Variants in TRIR observed in about 807,000 individuals in gnomAD.
TRIR encodes telomerase RNA component interacting RNase.
TRIR carries 5 observed loss-of-function variants against 18.2 expected under a neutral mutation model. The ratio of observed to expected loss-of-function variants is 0.27; its 90% CI spans 0.14 to 0.58. The LOEUF is 0.58. Ranked by LOEUF, TRIR falls within the 20% of genes least tolerant of loss-of-function variation. TRIR has a pLI of 0.91. For missense variants in TRIR, 206 were observed against 252.8 expected (o/e 0.81, Z 1.25); for synonymous variants, 134 against 114.4 (o/e 1.17, Z -1.10).
At position 12,734,201 on chromosome 19, in the gene TRIR, G is replaced by A. The variant is rs909972179; in HGVS notation, c.345+112C>T. The A allele has an allele frequency of 3.7e-6, 4 of 1,092,382 alleles. No homozygotes were observed. Among genetic ancestry groups the A allele is most frequent in the Middle Eastern group, 6.3e-4 (2 of 3,156 alleles). 67.7% of individuals were successfully genotyped at this position (1,092,382 alleles called of 1,614,324 possible). A position where few individuals can be genotyped will look rare whatever the true frequency, so the allele number is the denominator to read the frequency against. ...CACCCTCAGCGGGTGACCCGGACGG[G>A]CCCCTCATTCAGAACGGAAAGTGGA... On this transcript the variant is annotated intron_variant, in intron 1 of 2. Coordinates refer to ENST00000242784, the MANE Select transcript of TRIR (RefSeq NM_024038.4). This position sits in a 1 kb window ranked among gnomAD's most constrained non-coding sequence, Gnocchi z 4.1.
rs370637749 is a variant in TRIR, at chr19:12,731,287, G to A, written c.423+57C>T. On this transcript the variant is annotated intron_variant, in intron 2 of 2. Transcript: ENST00000242784. This position sits in a 1 kb window ranked among gnomAD's most constrained non-coding sequence, Gnocchi z 5.1. ...CAGACAGGGAGGGAGAAGGCTGGGCGCAAAAGCTGGAAGGGAAAGGCAATG... is the reference window on the plus strand; with the variant it reads ...CAGACAGGGAGGGAGAAGGCTGGGCACAAAAGCTGGAAGGGAAAGGCAATG... 236 of 1,585,760 alleles carry A rather than the reference G, an allele frequency of 1.5e-4. No individual in the cohort carries two copies. Among genetic ancestry groups the A allele is most frequent in the Non-Finnish European group, 1.9e-4 (217 of 1,156,688 alleles).
chr19:12,731,625 G>A lies in TRIR; in HGVS notation c.346-204C>T, dbSNP rs1188875049. 1.2e-5 allele frequency: 7 copies of A among 590,804 alleles called. No individual in the cohort carries two copies. The highest frequency in any genetic ancestry group is 2.1e-5 in the Non-Finnish European group (7 of 333,696). The allele number at this position is 590,804 out of a possible 1,614,324, so 36.6% of individuals were successfully genotyped here. On this transcript the variant is annotated intron_variant, in intron 1 of 2. Coordinates refer to ENST00000242784, the MANE Select transcript of TRIR (RefSeq NM_024038.4). This position sits in a 1 kb window ranked among gnomAD's most constrained non-coding sequence, Gnocchi z 5.1. ...CCCTGGGCCCGCGGTGCCCTCCCAG[G>A]GAGCAAGAAGAGTGTCCACCTCAGT...
In TRIR at chr19:12,734,198, CG is replaced by C. The variant is rs1967487433; in HGVS notation, c.345+114del. On this transcript the variant is annotated intron_variant, in intron 1 of 2. Coordinates refer to ENST00000242784, the MANE Select transcript of TRIR (RefSeq NM_024038.4). This position sits in a 1 kb window ranked among gnomAD's most constrained non-coding sequence, Gnocchi z 4.1. ...CCACACCCTCAGCGGGTGACCCGGA[CG>C]GGCCCCTCATTCAGAACGGAAAGTG... 1 of 1,072,632 alleles carries C rather than the reference CG, an allele frequency of 9.3e-7. No individual in the cohort carries two copies. Among genetic ancestry groups the C allele is most frequent in the Admixed American group, 3.9e-5 (1 of 25,492 alleles). 66.4% of individuals were successfully genotyped at this position (1,072,632 alleles called of 1,614,324 possible). A position where few individuals can be genotyped will look rare whatever the true frequency, so the allele number is the denominator to read the frequency against.
In TRIR at chr19:12,734,135, C is replaced by T. The variant is rs893399735; in HGVS notation, c.345+178G>A. ...CACGGGCAAGCTCCTGGAGTCCCCA[C>T]TCCCGCCCCTAGACCCCAGTTGTCG... On this transcript the variant is annotated intron_variant, in intron 1 of 2. Coordinates refer to ENST00000242784, the MANE Select transcript of TRIR (RefSeq NM_024038.4). The surrounding 1 kb of genome is among the most constrained non-coding windows in gnomAD (Gnocchi z 4.1). 2.0e-5 allele frequency among the ~76,000 whole-genome samples: 3 copies of T among 152,224 alleles called. No individual in the cohort carries two copies. The highest frequency in any genetic ancestry group is 7.2e-5 in the African/African-American group (3 of 41,470).
chr19:12,731,099 G>T lies in TRIR; in HGVS notation c.424-31C>A. ...GAAAGGGGATACGGGTTAGGACGGG[G>T]GTGCCAGGAACCAGGGTCAGGACTG... On this transcript the variant is annotated intron_variant, in intron 2 of 2. Transcript: ENST00000242784. The surrounding 1 kb of genome is among the most constrained non-coding windows in gnomAD (Gnocchi z 5.1). 1 of 1,579,982 alleles carries T rather than the reference G, an allele frequency of 6.3e-7. No individual in the cohort carries two copies. Among genetic ancestry groups the T allele is most frequent in the Non-Finnish European group, 8.7e-7 (1 of 1,149,532 alleles).
Position 12,734,611 on chromosome 19 carries a change from G to C in TRIR, c.47C>G (p.Pro16Arg), listed in dbSNP as rs762582564. The change falls in exon 1 of 3, where the codon CCG (proline) becomes CGG (arginine). Residue 16 changes from proline to arginine, a missense_variant. Coordinates refer to ENST00000242784, the MANE Select transcript of TRIR (RefSeq NM_024038.4). The surrounding 1 kb of genome is among the most constrained non-coding windows in gnomAD (Gnocchi z 4.1). ...RRAEPQGREA[P>R]GPAGGGGGGS... ...GCCACCGCCACCGCCCGCGGGGCCC[G>C]GAGCCTCCCGGCCCTGAGGCTCCGC... The C allele has an allele frequency of 6.6e-7, 1 of 1,517,502 alleles. No individual in the cohort carries two copies. The highest frequency in any genetic ancestry group is 1.2e-5 in the South Asian group (1 of 81,908). The allele number at this position is 1,517,502 out of a possible 1,614,324, so 94.0% of individuals were successfully genotyped here. A position where few individuals can be genotyped will look rare whatever the true frequency, so the allele number is the denominator to read the frequency against.
chr19:12,732,776 G>T (rs1027659706), intron 1 of TRIR, among the ~76,000 whole-genome samples: 1 of 152,204 alleles, frequency 6.6e-6, no homozygotes. Flanking sequence ...TTTTAGTAGA[G>T]TCAGGGTTTC....
In TRIR at chr19:12,730,901, C is replaced by T; in HGVS notation, c.*60G>A. ...GGGAAGGCTGTCGCCGCTGCCGCTG[C>T]ATTAAATAGTTATGTACATCGCAGA... On this transcript the variant is annotated 3_prime_UTR_variant, in exon 3 of 3. Transcript: ENST00000242784. 6.8e-7 allele frequency: 1 copy of T among 1,479,436 alleles called. No homozygotes were observed. Among genetic ancestry groups the T allele is most frequent in the Non-Finnish European group, 9.4e-7 (1 of 1,058,714 alleles). 91.6% of individuals were successfully genotyped at this position (1,479,436 alleles called of 1,614,324 possible).
intron 1 of TRIR, among the ~76,000 whole-genome samples, chr19:12,732,118 CTG>C (rs778341508): frequency 8.2e-4 from 91 of 111,572 alleles, no homozygotes; most frequent in Non-Finnish European, 8.1e-4. Context: ...GAAGTAGACT[CTG>C]TCTCAAAAAA....
At chr19:12,732,542 C>T (rs1967451884) in intron 1 of TRIR, among the ~76,000 whole-genome samples, 1 of 152,072 alleles carries the variant, frequency 6.6e-6, no homozygotes, top group African/African-American at 2.4e-5. Context: ...GGGGCTCCAA[C>T]AGTCTTCACA....
chr19:12,733,091 T>G (rs547561702), intron 1 of TRIR, among the ~76,000 whole-genome samples: 2 of 152,158 alleles, frequency 1.3e-5, no homozygotes, highest in Admixed American at 1.3e-4. Flanking sequence ...TTTTTTTTTG[T>G]AGAGATGCAT....
Position 12,731,487 on chromosome 19 carries a change from C to G in TRIR, c.346-66G>C, listed in dbSNP as rs567284794. On this transcript the variant is annotated intron_variant, in intron 1 of 2. Transcript: ENST00000242784. This position sits in a 1 kb window ranked among gnomAD's most constrained non-coding sequence, Gnocchi z 5.1. ...GGGACCGCCCTTGGCGGCGCTGAGG[C>G]CCACTACACCTTCCTAGCCCGGCCT... The G allele has an allele frequency of 6.6e-7, 1 of 1,505,584 alleles. No individual in the cohort carries two copies. The highest frequency in any genetic ancestry group is 1.4e-5 in the African/African-American group (1 of 72,206). 93.3% of individuals were successfully genotyped at this position (1,505,584 alleles called of 1,614,324 possible). A position where few individuals can be genotyped will look rare whatever the true frequency, so the allele number is the denominator to read the frequency against.
In TRIR at chr19:12,731,370, C is replaced by G. The variant is rs11542951; in HGVS notation, c.397G>C (p.Ala133Pro). ...NKLALKTGIV[A>P]KKQKTEDEVL... ...TCATCCTCCGTCTTCTGCTTCTTGG[C>G]TACTATTCCCGTCTTGAGGGCTAGT... Residue 133 changes from alanine to proline, a missense_variant, in exon 2 of 3, where the codon GCC (alanine) becomes CCC (proline). Ala to Pro is a conservative substitution (Grantham distance 27). Transcript: ENST00000242784. The surrounding 1 kb of genome is among the most constrained non-coding windows in gnomAD (Gnocchi z 5.1). The G allele has an allele frequency of 6.2e-7, 1 of 1,613,986 alleles. No homozygotes were observed. Among genetic ancestry groups the G allele is most frequent in the Non-Finnish European group, 8.5e-7 (1 of 1,180,008 alleles).
Position 12,731,513 on chromosome 19 carries a change from G to C in TRIR, c.346-92C>G. On this transcript the variant is annotated intron_variant, in intron 1 of 2. Transcript: ENST00000242784. The surrounding 1 kb of genome is among the most constrained non-coding windows in gnomAD (Gnocchi z 5.1). Reference sequence around the variant, plus strand: ...CCACTACACCTTCCTAGCCCGGCCTGGTGGCCCGTCCTGACGCCGCGCCCA... The same window carrying C: ...CCACTACACCTTCCTAGCCCGGCCTCGTGGCCCGTCCTGACGCCGCGCCCA... 3 of 1,387,500 alleles carry C rather than the reference G, an allele frequency of 2.2e-6. No individual in the cohort carries two copies. Among genetic ancestry groups the C allele is most frequent in the Non-Finnish European group, 2.9e-6 (3 of 1,018,862 alleles). 85.9% of individuals were successfully genotyped at this position (1,387,500 alleles called of 1,614,324 possible).
At position 12,731,448 on chromosome 19, in the gene TRIR, C is replaced by G. The variant is rs1327020829; in HGVS notation, c.346-27G>C. The G allele has an allele frequency of 1.2e-5, 20 of 1,602,410 alleles. No individual in the cohort carries two copies. In the South Asian group the frequency reaches 2.1e-4, roughly 17 times the overall value. ...TGGGTGAAGGGACAGAAGACTGCAACGGTTACAGGAGCCGGGACCGCCCTT... is the reference window on the plus strand; with the variant it reads ...TGGGTGAAGGGACAGAAGACTGCAAGGGTTACAGGAGCCGGGACCGCCCTT... On this transcript the variant is annotated intron_variant, in intron 1 of 2. Transcript: ENST00000242784. The surrounding 1 kb of genome is among the most constrained non-coding windows in gnomAD (Gnocchi z 5.1).
chr19:12,731,742 T>C lies in TRIR; in HGVS notation c.346-321A>G, dbSNP rs77892773. 0.015 allele frequency: 5,253 copies of C among 350,482 alleles called. 235 individuals carry two copies. The highest frequency in any genetic ancestry group is 0.1 in the African/African-American group (4,767 of 46,852). 21.7% of individuals were successfully genotyped at this position (350,482 alleles called of 1,614,324 possible). A position where few individuals can be genotyped will look rare whatever the true frequency, so the allele number is the denominator to read the frequency against. ...TGGCAACAGCTCCCTTTATTGAGCA[T>C]GTACTGTATGCCAAGCCCTGTGCCA... is the stretch of plus-strand genomic sequence containing the variant. On this transcript the variant is annotated intron_variant, in intron 1 of 2. Coordinates refer to ENST00000242784, the MANE Select transcript of TRIR (RefSeq NM_024038.4). This position sits in a 1 kb window ranked among gnomAD's most constrained non-coding sequence, Gnocchi z 5.1.
intron 1 of TRIR, among the ~76,000 whole-genome samples, chr19:12,733,893 G>A (rs762947264): frequency 2.6e-5 from 4 of 152,200 alleles, no homozygotes; most frequent in Non-Finnish European, 4.4e-5. Flanking sequence ...AGGAAGTCAA[G>A]CAATTGTCCT....
In TRIR at chr19:12,730,959, C is replaced by A. The variant is rs147059853; in HGVS notation, c.*2G>T. The A allele has an allele frequency of 6.2e-6, 10 of 1,612,962 alleles. No individual in the cohort carries two copies. The African/African-American group carries it at 1.2e-4, about 19-fold the overall frequency. ...AGGCCATGGGCAGGTGGGGGAGGGG[C>A]GTCATTTCACCAGGGGCCGAGTTTT... On this transcript the variant is annotated 3_prime_UTR_variant, in exon 3 of 3. Transcript: ENST00000242784.
At position 12,734,673 on chromosome 19, in the gene TRIR, C is replaced by T. The variant is rs779404165; in HGVS notation, c.-16G>A. On this transcript the variant is annotated 5_prime_UTR_variant, in exon 1 of 3. Coordinates refer to ENST00000242784, the MANE Select transcript of TRIR (RefSeq NM_024038.4). This position sits in a 1 kb window ranked among gnomAD's most constrained non-coding sequence, Gnocchi z 4.1. ...GGGCAGCCATTTTGTCGCCAGGTGC[C>T]GCGCAAAGGACTCCGGGAAGGCCGC... The T allele has an allele frequency of 2.0e-6, 3 of 1,490,288 alleles. No homozygotes were observed. Among genetic ancestry groups the T allele is most frequent in the Non-Finnish European group, 1.8e-6 (2 of 1,129,452 alleles). 92.3% of individuals were successfully genotyped at this position (1,490,288 alleles called of 1,614,324 possible).
Sources: allele counts gnomAD v4.1 joint callset (sites outside exome capture counted in the v4.1 genomes callset), GRCh38; gene constraint gnomAD v4.1.1; non-coding constraint Gnocchi (gnomAD v3.1); transcripts MANE v1.5; gene names NCBI Gene and HGNC (gene_info 2026-07-23, HGNC 2026-07-21).